The following BICRA variants were observed in gnomAD, a reference collection of about 807,000 sequenced individuals.
BICRA encodes BRD4-interacting chromatin-remodeling complex-associated protein.
A neutral mutation model predicts 96.9 loss-of-function variants in BICRA; 31 were observed. The ratio of observed to expected loss-of-function variants is 0.32; its 90% CI spans 0.24 to 0.43. The LOEUF is 0.43. Among genes scored for constraint, BICRA ranks in the 20% least tolerant of loss-of-function variants. The pLI is 1.00. For synonymous variants in BICRA, 1,350 were observed against 1,071.8 expected (o/e 1.26, Z -5.07); for missense variants, 2,283 against 2,190.3 (o/e 1.04, Z -0.84).
chr19:47,679,734 C>A lies in BICRA; in HGVS notation c.564C>A (p.Val188=). The A allele has an allele frequency of 6.5e-7, 1 of 1,537,364 alleles. No individual in the cohort carries two copies. The highest frequency in any genetic ancestry group is 1.2e-5 in the South Asian group (1 of 82,650). ...HQALVPPQDV[V]NKALSVQPFL... The stretch of plus-strand genomic sequence containing the variant: ...CCCTGGTGCCGCCCCAGGACGTGGT[C>A]AACAAGGCCCTGAGTGTGCAGCCCT... Residue 188 remains valine (V), a synonymous_variant, in exon 6 of 15, where the codon GTC becomes GTA. Transcript: ENST00000594866.
Position 47,694,417 on chromosome 19 carries a change from C to T in BICRA, c.2586C>T (p.Leu862=). Residue 862 remains leucine, a synonymous_variant, in exon 8 of 15, where the codon CTC becomes CTT. Transcript: ENST00000594866. ...PTAPGPPQPP[L]RPQSQPPEGP... is the part of the protein sequence containing the mutation. ...CCCCAGGCCCGCCGCAGCCGCCTCT[C>T]CGCCCCCAGTCCCAGCCGCCTGAGG... The T allele has an allele frequency of 9.6e-7, 1 of 1,039,936 alleles. No individual in the cohort carries two copies. The highest frequency in any genetic ancestry group is 1.5e-6 in the Non-Finnish European group (1 of 678,898). 64.4% of individuals were successfully genotyped at this position (1,039,936 alleles called of 1,614,324 possible).
chr19:47,634,995 C>T (rs1003407259), intron 1 of BICRA, among the ~76,000 whole-genome samples: 3 of 152,050 alleles, frequency 2.0e-5, no homozygotes, highest in Non-Finnish European at 4.4e-5. Flanking sequence ...ATCTCCTGAC[C>T]TCGTTATCCG....
chr19:47,675,651 G>A lies in BICRA; in HGVS notation c.85-200G>A, dbSNP rs895745680. On this transcript the variant is annotated intron_variant, in intron 4 of 14. Coordinates refer to ENST00000594866, the MANE Select transcript of BICRA (RefSeq NM_001394372.1). This position sits in a 1 kb window ranked among gnomAD's most constrained non-coding sequence, Gnocchi z 4.7. The stretch of plus-strand genomic sequence containing the variant: ...GCCAGGCTCGGGGACTCAGTGCTGG[G>A]GATGCCTTGGGTTTTAGGCAGGCAC... Among the ~76,000 whole-genome samples the A allele has an allele frequency of 2.6e-5, 4 of 152,238 alleles. No homozygotes were observed. Among genetic ancestry groups the A allele is most frequent in the Admixed American group, 6.5e-5 (1 of 15,278 alleles).
At chr19:47,610,799 G>A (rs1398038576) in intron 1 of BICRA, among the ~76,000 whole-genome samples, 1 of 152,008 alleles carries the variant, frequency 6.6e-6, no homozygotes, top group Admixed American at 6.6e-5. Context: ...TGGGTGTGGG[G>A]GGTATTGTCA....
At chr19:47,690,967 T>C (rs542033336) in intron 7 of BICRA, among the ~76,000 whole-genome samples, 2 of 152,234 alleles carry the variant, frequency 1.3e-5, no homozygotes, top group Non-Finnish European at 2.9e-5. Context: ...GTATTAGTTA[T>C]CTATTGCTAT....
rs759678085 is a variant in BICRA, at chr19:47,701,650, C to G, written c.3918C>G (p.Ile1306Met). 1 of 1,597,418 alleles carries G rather than the reference C, an allele frequency of 6.3e-7. No homozygotes were observed. The highest frequency in any genetic ancestry group is 1.1e-5 in the South Asian group (1 of 88,516). The part of the protein sequence containing the change: ...PIKTYEARSR[I>M]GLKLKIKQEA... ...AGACCTACGAGGCCCGGAGCCGCAT[C>G]GGGCTCAAGCTCAAGATCAAGCAGG... Residue 1306 changes from isoleucine to methionine, a missense_variant, in exon 15 of 15, where the codon ATC becomes ATG. By Grantham distance (10) the Ile-to-Met change is conservative (BLOSUM62 1). Coordinates refer to ENST00000594866, the MANE Select transcript of BICRA (RefSeq NM_001394372.1). The surrounding 1 kb of genome is among the most constrained non-coding windows in gnomAD (Gnocchi z 5.4).
rs774095600 is a variant in BICRA, at chr19:47,701,302, G to A, written c.3596-26G>A. 18 of 1,581,080 alleles carry A rather than the reference G, an allele frequency of 1.1e-5. No individual in the cohort carries two copies. Among genetic ancestry groups the A allele is most frequent in the Middle Eastern group, 3.3e-4 (2 of 6,024 alleles). ...CGGGGGGTCCTCATCCTAACCCCGC[G>A]GGTTTTCTTTGCCCCGATTCTGCAG... On this transcript the variant is annotated intron_variant, in intron 14 of 14. Coordinates refer to ENST00000594866, the MANE Select transcript of BICRA (RefSeq NM_001394372.1). This position sits in a 1 kb window ranked among gnomAD's most constrained non-coding sequence, Gnocchi z 5.4.
Position 47,680,676 on chromosome 19 carries a change from C to G in BICRA, c.1506C>G (p.Ala502=). The G allele has an allele frequency of 2.5e-6, 4 of 1,604,740 alleles. No individual in the cohort carries two copies. Among genetic ancestry groups the G allele is most frequent in the Non-Finnish European group, 3.4e-6 (4 of 1,175,706 alleles). Residue 502 remains alanine, a synonymous_variant, in exon 6 of 15, where the codon GCC becomes GCG. Transcript: ENST00000594866. ...NVGGQILAAA[A]PHTGGQLIAN... ...GCGGGCAGATCCTGGCGGCCGCTGC[C>G]CCCCACACAGGTGGACAGCTCATCG... is the stretch of plus-strand genomic sequence containing the variant.
At chr19:47,685,795 G>GCA (rs945385806) in intron 7 of BICRA, among the ~76,000 whole-genome samples, 4 of 147,678 alleles carry the variant, frequency 2.7e-5, no homozygotes, top group East Asian at 2.0e-4. Flanking sequence ...GTGCGCGCGC[G>GCA]CGCGCATGCG....
chr19:47,696,431 A>G lies in BICRA; in HGVS notation c.3187-20A>G, dbSNP rs1039281602. ...AGGCTTCTGGAGGCAAAGGCCTCTCACTCGCCTTTCTTCTCCCAGTATGAG... is the reference window on the plus strand; with the variant it reads ...AGGCTTCTGGAGGCAAAGGCCTCTCGCTCGCCTTTCTTCTCCCAGTATGAG... On this transcript the variant is annotated intron_variant, in intron 10 of 14. Coordinates refer to ENST00000594866, the MANE Select transcript of BICRA (RefSeq NM_001394372.1). 6.3e-7 allele frequency: 1 copy of G among 1,579,166 alleles called. No individual in the cohort carries two copies. The highest frequency in any genetic ancestry group is 8.6e-7 in the Non-Finnish European group (1 of 1,162,662).
At chr19:47,691,719 C>G (rs1303763571) in intron 7 of BICRA, among the ~76,000 whole-genome samples, 1 of 151,970 alleles carries the variant, frequency 6.6e-6, no homozygotes, top group African/African-American at 2.4e-5. Flanking sequence ...ACACATCGCA[C>G]CCTGCTAATT....
chr19:47,646,728 C>T (rs1026056528), intron 1 of BICRA, among the ~76,000 whole-genome samples: 1 of 152,252 alleles, frequency 6.6e-6, no homozygotes, highest in South Asian at 2.1e-4. Context: ...AAAATATGCT[C>T]ATTTCATCCA....
At chr19:47,631,251 T>C (rs1972218048) in intron 1 of BICRA, among the ~76,000 whole-genome samples, 1 of 151,988 alleles carries the variant, frequency 6.6e-6, no homozygotes, top group African/African-American at 2.4e-5. Flanking sequence ...TTTTTGAGAC[T>C]GAGTCATACT....
chr19:47,694,095 T>TTCCC lies in BICRA; in HGVS notation c.2284-20_2284-19insTCCC. On this transcript the variant is annotated intron_variant, in intron 7 of 14. Coordinates refer to ENST00000594866, the MANE Select transcript of BICRA (RefSeq NM_001394372.1). ...GGTTCTGACCCCCGCCCCTCCCCTC[T>TTCCC]CCCTCCCTCCCCTGCCCAGATCCCG... 4.8e-6 allele frequency: 3 copies of TTCCC among 622,608 alleles called. No homozygotes were observed. Among genetic ancestry groups the TTCCC allele is most frequent in the South Asian group, 3.4e-5 (1 of 29,520 alleles). The allele number at this position is 622,608 out of a possible 1,614,324, so 38.6% of individuals were successfully genotyped here. A position where few individuals can be genotyped will look rare whatever the true frequency, so the allele number is the denominator to read the frequency against.
intron 1 of BICRA, among the ~76,000 whole-genome samples, chr19:47,612,043 G>A (rs1439592448): frequency 6.6e-6 from 1 of 151,894 alleles, no homozygotes; most frequent in African/African-American, 2.4e-5. Context: ...GCTAAATTTT[G>A]TATATTTAGT....
At position 47,698,866 on chromosome 19, in the gene BICRA, G is replaced by T. The variant is rs1973391946; in HGVS notation, c.3397+84G>T. On this transcript the variant is annotated intron_variant, in intron 12 of 14. Transcript: ENST00000594866. This position sits in a 1 kb window ranked among gnomAD's most constrained non-coding sequence, Gnocchi z 4.8. ...GGGCGTCGCCAGTGTGGAGCCGCAG[G>T]TCCACGGTGCGCTATGCTGACCCTG... is the stretch of plus-strand genomic sequence containing the variant. 1 of 1,388,712 alleles carries T rather than the reference G, an allele frequency of 7.2e-7. No individual in the cohort carries two copies. Among genetic ancestry groups the T allele is most frequent in the East Asian group, 2.5e-5 (1 of 40,380 alleles). 86.0% of individuals were successfully genotyped at this position (1,388,712 alleles called of 1,614,324 possible).
At chr19:47,617,282 T>C (rs8113162) in intron 1 of BICRA, among the ~76,000 whole-genome samples, 132,396 of 152,134 alleles carry the variant, frequency 0.87, 57,730 homozygotes, top group Admixed American at 0.9. Context: ...GCCGTCTTTG[T>C]TTATTATTAT....
intron 1 of BICRA, among the ~76,000 whole-genome samples, chr19:47,656,348 C>T (rs749839565): frequency 1.3e-5 from 2 of 152,134 alleles, no homozygotes; most frequent in Non-Finnish European, 2.9e-5. Flanking sequence ...GTGCTGCTGA[C>T]GTGAGGCTCA....
intron 1 of BICRA, among the ~76,000 whole-genome samples, chr19:47,667,178 C>G (rs140068336): frequency 1.3e-5 from 2 of 152,228 alleles, no homozygotes; most frequent in Non-Finnish European, 2.9e-5. Flanking sequence ...ACCCCCACGC[C>G]GGGCTCATTT....
Sources: allele counts gnomAD v4.1 joint callset (sites outside exome capture counted in the v4.1 genomes callset), GRCh38; gene constraint gnomAD v4.1.1; non-coding constraint Gnocchi (gnomAD v3.1); transcripts MANE v1.5; gene names NCBI Gene and HGNC (gene_info 2026-07-23, HGNC 2026-07-21).